Variants in CLSPN observed in about 807,000 individuals in gnomAD.
CLSPN encodes claspin.
In CLSPN, 85 loss-of-function variants were observed where a neutral mutation model predicts 156.3. That is an observed-to-expected ratio of 0.54 (90% CI 0.46 to 0.65). CLSPN has a LOEUF of 0.65. Among genes scored for constraint, CLSPN ranks in the 30% least tolerant of loss-of-function variants. The pLI is 0.00. For missense variants in CLSPN, 1,407 were observed against 1,554.9 expected (o/e 0.90, Z 1.60); for synonymous variants, 534 against 542.4 (o/e 0.98, Z 0.22).
chr1:35,753,418 T>G (rs1642161343), intron 9 of CLSPN, among the ~76,000 whole-genome samples: 1 of 152,058 alleles, frequency 6.6e-6, no homozygotes, highest in African/African-American at 2.4e-5. Context: ...CATATACATA[T>G]GTGCAAAGAA....
intron 13 of CLSPN, 109 bp downstream of exon 13, chr1:35,748,296 A>G (rs1571205384): frequency 9.1e-7 from 1 of 1,093,112 alleles, no homozygotes; most frequent in Non-Finnish European, 1.4e-6. Context: ...AACTGAACAC[A>G]CATAAGCTCA....
intron 3 of CLSPN, among the ~76,000 whole-genome samples, chr1:35,763,570 T>A (rs1642559148): frequency 6.6e-6 from 1 of 152,210 alleles, no homozygotes. Context: ...AAATACTTGT[T>A]AAGCAACTAG....
Position 35,769,885 on chromosome 1 carries a change from C to T in CLSPN, c.-15G>A, listed in dbSNP as rs771028543. On this transcript the variant is annotated 5_prime_UTR_variant, in exon 1 of 25. Transcript: ENST00000318121. ...TCGCCTGTCATGACTTCTGCCTCCC[C>T]TGCGCTCCACTAGGGACGGAGCTGT... 9.9e-6 allele frequency: 16 copies of T among 1,609,698 alleles called. No individual in the cohort carries two copies. Among genetic ancestry groups the T allele is most frequent in the Non-Finnish European group, 1.3e-5 (15 of 1,177,956 alleles).
Position 35,762,061 on chromosome 1 carries a change from C to T in CLSPN, c.832G>A (p.Ala278Thr). 6.2e-7 allele frequency: 1 copy of T among 1,609,652 alleles called. No homozygotes were observed. The highest frequency in any genetic ancestry group is 8.5e-7 in the Non-Finnish European group (1 of 1,176,322). The change falls in exon 6 of 25, where the codon GCA (alanine) becomes ACA (threonine). Residue 278 changes from alanine (A) to threonine (T), a missense_variant. By Grantham distance (58) the Ala-to-Thr change is moderately conservative (BLOSUM62 0). Coordinates refer to ENST00000318121, the MANE Select transcript of CLSPN (RefSeq NM_022111.4). ...SKGTTRKERK[A>T]ARLSKEALKQ... The stretch of plus-strand genomic sequence containing the variant: ...AATGCTTCTTTACTTAATCTGGCTG[C>T]CTTTCTTTCCTTAAAGAAAACAAGA...
rs776027484 is a variant in CLSPN at position 35,749,744 on chromosome 1, T to C, written c.2096A>G (p.Asn699Ser). 7.4e-6 allele frequency: 12 copies of C among 1,614,018 alleles called. No individual in the cohort carries two copies. The African/African-American group carries it at 8.0e-5, about 11-fold the overall frequency. Residue 699 changes from asparagine to serine, a missense_variant, in exon 11 of 25, where the codon AAT becomes AGT. Coordinates refer to ENST00000318121, the MANE Select transcript of CLSPN (RefSeq NM_022111.4). The stretch of plus-strand genomic sequence containing the variant: ...GCCAATTTCACTACTGCCATCATTA[T>C]TTTCTTTATCCATTTCTTTTTCATC... ...TKDEKEMDKE[N>S]NDGSSEIGKA...
chr1:35,734,347 A>C lies in CLSPN; in HGVS notation c.*2149T>G. Reference sequence around the variant, plus strand: ...ATTATAAGATTACAAGTATACAAACATAAGTATTGTCAAAGTCAACATCTT... The same window carrying C: ...ATTATAAGATTACAAGTATACAAACCTAAGTATTGTCAAAGTCAACATCTT... On this transcript the variant is annotated 3_prime_UTR_variant, in exon 25 of 25. Transcript: ENST00000318121. 1.0e-6 allele frequency: 1 copy of C among 985,390 alleles called. No homozygotes were observed. Among genetic ancestry groups the C allele is most frequent in the Non-Finnish European group, 1.2e-6 (1 of 829,868 alleles). The allele number at this position is 985,390 out of a possible 1,614,324, so 61.0% of individuals were successfully genotyped here.
At chr1:35,755,361 G>A (rs1313734409) in intron 8 of CLSPN, among the ~76,000 whole-genome samples, 2 of 151,810 alleles carry the variant, frequency 1.3e-5, no homozygotes, top group Non-Finnish European at 2.9e-5. Context: ...CCACCTCCTG[G>A]GTTCAAGCAA....
chr1:35,731,913 A>C (rs1641326630), downstream of CLSPN, among the ~76,000 whole-genome samples: 1 of 152,198 alleles, frequency 6.6e-6, no homozygotes, highest in Admixed American at 6.5e-5. Flanking sequence ...GGCCTACAAT[A>C]TATGATATAA....
rs933712136 is a variant in CLSPN, at chr1:35,745,456, T to C, written c.2961A>G (p.Thr987=). 2 of 1,609,866 alleles carry C rather than the reference T, an allele frequency of 1.2e-6. No individual in the cohort carries two copies. Among genetic ancestry groups the C allele is most frequent in the Non-Finnish European group, 1.7e-6 (2 of 1,176,316 alleles). ...CCCAGCAATCTGAGACTTACTTGTC[T>C]GTGGGAAAAGAGCCTGAGCAAAGAG... ...ALALCSGSFP[T]DKEEEDEEEE... The change falls in exon 16 of 25, where the codon ACA becomes ACG. Residue 987 remains threonine (T), a synonymous_variant. Transcript: ENST00000318121.
rs889415129 is a variant in CLSPN, at chr1:35,745,472, G to A, written c.2945C>T (p.Ser982Leu). 4 of 1,613,288 alleles carry A rather than the reference G, an allele frequency of 2.5e-6. No homozygotes were observed. The highest frequency in any genetic ancestry group is 2.2e-5 in the East Asian group (1 of 44,876). Residue 982 changes from serine to leucine, a missense_variant, in exon 16 of 25, where the codon TCA (serine) becomes TTA (leucine). By Grantham distance (145) the Ser-to-Leu change is moderately radical. Around this residue, in one of 3 missense-constraint regions of CLSPN, gnomAD observed 1,096 missense variants for 1,193.0 expected, o/e 0.92. Transcript: ENST00000318121. Reference sequence around the variant, plus strand: ...TTACTTGTCTGTGGGAAAAGAGCCTGAGCAAAGAGCAAGTGCTTCTTCCAT... The same window carrying A: ...TTACTTGTCTGTGGGAAAAGAGCCTAAGCAAAGAGCAAGTGCTTCTTCCAT... Reference protein sequence around the residue: ...DPMEEALALCSGSFPTDKEEE... With the variant: ...DPMEEALALCLGSFPTDKEEE...
At chr1:35,739,301 G>A in intron 19 of CLSPN, 44 bp from the exon 20 acceptor site, 2 of 1,614,036 alleles carry the variant, frequency 1.2e-6, no homozygotes, top group Non-Finnish European at 1.7e-6. Context: ...GACCATTCTG[G>A]CTGGTTACAG....
intron 8 of CLSPN, among the ~76,000 whole-genome samples, chr1:35,755,369 C>T (rs1435187994): frequency 6.6e-6 from 1 of 151,714 alleles, no homozygotes; most frequent in Non-Finnish European, 1.5e-5. Context: ...TGGGTTCAAG[C>T]AATTCTCCTG....
intron 20 of CLSPN, 48 bp from the exon 21 acceptor site, chr1:35,738,630 A>G: frequency 6.2e-7 from 1 of 1,606,220 alleles, no homozygotes; most frequent in Non-Finnish European, 8.5e-7. Flanking sequence ...CTCACAGGAG[A>G]GGGTGCTTGG....
intron 24 of CLSPN, among the ~76,000 whole-genome samples, chr1:35,724,063 G>C (rs574761564): frequency 6.6e-5 from 10 of 152,160 alleles, no homozygotes; most frequent in Non-Finnish European, 1.2e-4. Context: ...GGAGGCAAAA[G>C]TAGTAAGCCC....
chr1:35,727,695 T>A (rs1290768176), downstream of CLSPN, among the ~76,000 whole-genome samples: 8 of 152,198 alleles, frequency 5.3e-5, no homozygotes, highest in African/African-American at 1.9e-4. Flanking sequence ...CAACGAGCAT[T>A]TGTTGAGATT....
At chr1:35,747,036 G>T in intron 14 of CLSPN, 44 bp from the exon 15 acceptor site, 1 of 1,505,202 alleles carries the variant, frequency 6.6e-7, no homozygotes, top group Non-Finnish European at 9.2e-7. Flanking sequence ...AAATTCCTCA[G>T]AGAGGGCCGG....
intron 24 of CLSPN, among the ~76,000 whole-genome samples, chr1:35,722,253 C>CT (rs568124252): frequency 0.14 from 17,787 of 124,628 alleles, 2,587 homozygotes; most frequent in East Asian, 0.67. Context: ...CTAGTTATTC[C>CT]TTTTTTTTTT....
chr1:35,735,672 C>A lies in CLSPN; in HGVS notation c.*824G>T. On this transcript the variant is annotated 3_prime_UTR_variant, in exon 25 of 25. Coordinates refer to ENST00000318121, the MANE Select transcript of CLSPN (RefSeq NM_022111.4). ...GCCGTGAGCCGAGATTGCGCCACTG[C>A]ACTCCAGACTGGGCAACAAAGTGAG... 1 of 953,852 alleles carries A rather than the reference C, an allele frequency of 1.0e-6. No individual in the cohort carries two copies. Among genetic ancestry groups the A allele is most frequent in the Non-Finnish European group, 1.2e-6 (1 of 801,920 alleles). The allele number at this position is 953,852 out of a possible 1,614,324, so 59.1% of individuals were successfully genotyped here.
chr1:35,739,493 C>G lies in CLSPN; in HGVS notation c.3180G>C (p.Val1060=). 1 of 1,613,976 alleles carries G rather than the reference C, an allele frequency of 6.2e-7. No individual in the cohort carries two copies. The highest frequency in any genetic ancestry group is 8.5e-7 in the Non-Finnish European group (1 of 1,179,998). ...CTTCGCTTCCCACATCACTTCCTGACACCTCTGCCTCATCCTCCAGGTATT... is the reference window on the plus strand; with the variant it reads ...CTTCGCTTCCCACATCACTTCCTGAGACCTCTGCCTCATCCTCCAGGTATT... ...LRKYLEDEAE[V]SGSDVGSEDE... The change falls in exon 19 of 25, where the codon GTG becomes GTC. Residue 1060 remains valine (V), a synonymous_variant. Transcript: ENST00000318121.
Sources: allele counts gnomAD v4.1 joint callset (sites outside exome capture counted in the v4.1 genomes callset), GRCh38; gene constraint gnomAD v4.1.1; regional missense constraint gnomAD v4.1.1; transcripts MANE v1.5; gene names NCBI Gene and HGNC (gene_info 2026-07-23, HGNC 2026-07-21).